Variants in GRIA1 observed in about 807,000 individuals in gnomAD.
The protein encoded by GRIA1 is glutamate ionotropic receptor AMPA type subunit 1, also known as glutamate receptor 1.
Under a neutral mutation model 99.2 loss-of-function variants are expected in GRIA1, and 31 were observed. The ratio of observed to expected loss-of-function variants is 0.31; its 90% confidence interval spans 0.23 to 0.42. The LOEUF is 0.42. Among genes scored for constraint, GRIA1 ranks in the 10% least tolerant of loss-of-function variants. The probability of loss-of-function intolerance (pLI) is 1.00; values close to 1 mark genes in which losing one functional copy is unlikely to be tolerated. For missense variants in GRIA1, 782 were observed against 1,157.5 expected, an observed-to-expected ratio of 0.68 and a Z score of 4.71; for synonymous variants, 438 against 432.4, an observed-to-expected ratio of 1.01 and a Z score of -0.16.
intron 2 of GRIA1, among the ~76,000 whole-genome samples, chr5:153,632,931 G>T (rs1312632313): frequency 6.6e-6 from 1 of 152,222 alleles, no homozygotes; most frequent in Non-Finnish European, 1.5e-5. Context: ...TTCCACTGGA[G>T]TCAACATCTG....
At chr5:153,788,097 A>G (rs996721672) in intron 13 of GRIA1, among the ~76,000 whole-genome samples, 2 of 151,984 alleles carry the variant, frequency 1.3e-5, no homozygotes, top group African/African-American at 4.8e-5. Flanking sequence ...AAAAAAAAAA[A>G]ATTAGTGCAT....
chr5:153,528,737 C>T (rs1757833733), intron 2 of GRIA1, among the ~76,000 whole-genome samples: 1 of 152,236 alleles, frequency 6.6e-6, no homozygotes. Flanking sequence ...TGTCTCCTCT[C>T]ATAGTAGACA....
chr5:153,576,592 C>T (rs1762546608), intron 2 of GRIA1, among the ~76,000 whole-genome samples: 1 of 152,148 alleles, frequency 6.6e-6, no homozygotes, highest in African/African-American at 2.4e-5. Flanking sequence ...TCACAGATAC[C>T]TCTTTTCTTC....
At chr5:153,585,825 T>C (rs751226007) in intron 2 of GRIA1, among the ~76,000 whole-genome samples, 10 of 152,274 alleles carry the variant, frequency 6.6e-5, no homozygotes, top group Middle Eastern at 3.4e-3. Flanking sequence ...TTCTCACCCA[T>C]TAAGAGATAG....
At chr5:153,633,315 C>A (rs1753111790) in intron 2 of GRIA1, among the ~76,000 whole-genome samples, 1 of 152,136 alleles carries the variant, frequency 6.6e-6, no homozygotes, top group Non-Finnish European at 1.5e-5. Context: ...TCCTGGAACT[C>A]TTAATTTTAG....
At position 153,811,957 on chromosome 5, in the gene GRIA1, A is replaced by G. The variant is rs891275039; in HGVS notation, c.*732A>G. On this transcript the variant is annotated 3_prime_UTR_variant, in exon 16 of 16. Coordinates refer to ENST00000285900, the MANE Select transcript of GRIA1 (RefSeq NM_000827.4). ...GGCAGGGGCAGATGTGCAGTCAGAG[A>G]AGGACTCCTGAAGTTACTGCTGCTC... The G allele has an allele frequency of 8.5e-5, 13 of 152,432 alleles. No individual in the cohort carries two copies. The highest frequency in any genetic ancestry group is 5.9e-4 in the Admixed American group (9 of 15,276). The allele number at this position is 152,432 out of a possible 1,614,324, so 9.4% of individuals were successfully genotyped here. A position where few individuals can be genotyped will look rare whatever the true frequency, so the allele number is the denominator to read the frequency against.
intron 15 of GRIA1, among the ~76,000 whole-genome samples, chr5:153,803,147 GT>G (rs1766170178): frequency 6.6e-6 from 1 of 152,160 alleles, no homozygotes; most frequent in South Asian, 2.1e-4. Flanking sequence ...ATGACTAAAG[GT>G]GATAGAGGAT....
At chr5:153,551,447 T>G (rs78653927) in intron 2 of GRIA1, among the ~76,000 whole-genome samples, 1 of 152,198 alleles carries the variant, frequency 6.6e-6, no homozygotes, top group African/African-American at 2.4e-5. Context: ...GCATCTTTCA[T>G]GTGACCACTC....
intron 6 of GRIA1, among the ~76,000 whole-genome samples, chr5:153,675,233 G>A (rs1178135350): frequency 1.3e-5 from 2 of 152,174 alleles, no homozygotes; most frequent in Non-Finnish European, 2.9e-5. Flanking sequence ...CAGCTCAGGA[G>A]GATGCTCATT....
intron 2 of GRIA1, among the ~76,000 whole-genome samples, chr5:153,630,638 A>G (rs1307862981): frequency 2.0e-5 from 3 of 152,228 alleles, no homozygotes; most frequent in African/African-American, 4.8e-5. Flanking sequence ...TCCCATGCTC[A>G]AAGCAGCTCT....
chr5:153,680,243 G>A lies in GRIA1; in HGVS notation c.1029+3082G>A, dbSNP rs1200960365. 3.3e-5 allele frequency among the ~76,000 whole-genome samples: 5 copies of A among 151,992 alleles called. No homozygotes were observed. In the South Asian group the frequency reaches 6.2e-4, roughly 19 times the overall value. Reference sequence around the variant, plus strand: ...TGTGCACCCCCTCCCCCTTCACTCCGCTGTAATTTCCCTAGCAGCAGAATG... The same window carrying A: ...TGTGCACCCCCTCCCCCTTCACTCCACTGTAATTTCCCTAGCAGCAGAATG... On this transcript the variant is annotated intron_variant, in intron 7 of 15. Transcript: ENST00000285900.
chr5:153,670,278 A>G (rs1323161523), intron 5 of GRIA1, among the ~76,000 whole-genome samples: 1 of 152,188 alleles, frequency 6.6e-6, no homozygotes, highest in Admixed American at 6.5e-5. Flanking sequence ...CTCACTCATC[A>G]CCAAGCTTCA....
chr5:153,585,890 C>A (rs143427196), intron 2 of GRIA1, among the ~76,000 whole-genome samples: 134 of 152,216 alleles, frequency 8.8e-4, no homozygotes, highest in Non-Finnish European at 1.1e-3. Flanking sequence ...GTTTTAGTGT[C>A]ATCCTACACA....
intron 5 of GRIA1, among the ~76,000 whole-genome samples, chr5:153,667,741 G>A (rs1351169764): frequency 6.6e-6 from 1 of 152,174 alleles, no homozygotes; most frequent in African/African-American, 2.4e-5. Flanking sequence ...AATTGCACGT[G>A]ATAATTAATA....
intron 15 of GRIA1, among the ~76,000 whole-genome samples, chr5:153,803,948 G>A (rs1006023792): frequency 1.3e-5 from 2 of 152,170 alleles, no homozygotes; most frequent in Admixed American, 1.3e-4. Context: ...TGAGGAGCTG[G>A]GGGCCTTCTG....
chr5:153,621,923 A>G (rs1052820349), intron 2 of GRIA1, among the ~76,000 whole-genome samples: 1 of 152,182 alleles, frequency 6.6e-6, no homozygotes, highest in Non-Finnish European at 1.5e-5. Flanking sequence ...CTTGACTTTA[A>G]TGAGAATTGG....
intron 7 of GRIA1, among the ~76,000 whole-genome samples, chr5:153,680,780 T>C (rs535043929): frequency 6.6e-6 from 1 of 152,302 alleles, no homozygotes; most frequent in South Asian, 2.1e-4. Flanking sequence ...TATGGTGCTG[T>C]GGATGATCAG....
intron 2 of GRIA1, among the ~76,000 whole-genome samples, chr5:153,510,836 G>A (rs1036934496): frequency 2.0e-5 from 3 of 152,106 alleles, no homozygotes; most frequent in African/African-American, 4.8e-5. Flanking sequence ...GAACTCTACA[G>A]GGTTCATTTT....
chr5:153,789,569 A>G (rs1457279343), intron 13 of GRIA1, among the ~76,000 whole-genome samples: 1 of 152,172 alleles, frequency 6.6e-6, no homozygotes, highest in African/African-American at 2.4e-5. Context: ...GAAAGAAAAT[A>G]AAGTAATCTC....
Sources: gnomAD v4.1 joint callset for allele counts (sites outside exome capture counted in the v4.1 genomes callset) on GRCh38, gnomAD v4.1.1 for gene constraint, MANE v1.5 for transcripts, NCBI Gene and HGNC (gene_info 2026-07-23, HGNC 2026-07-21) for gene names.